The following ABR variants were observed in gnomAD, a reference collection of about 807,000 sequenced individuals.
ABR encodes the protein ABR activator of RhoGEF and GTPase.
In ABR, 35 loss-of-function variants were observed where a neutral mutation model predicts 107.2. That is an observed-to-expected ratio of 0.33 (90% CI 0.25 to 0.43). ABR has a LOEUF of 0.43. Ranked by LOEUF, ABR falls within the 20% of genes least tolerant of loss-of-function variation. ABR has a pLI of 1.00. For missense variants in ABR, 815 were observed against 1,115.2 expected (o/e 0.73, Z 3.83); for synonymous variants, 498 against 462.0 (o/e 1.08, Z -1.00).
chr17:1,125,186 A>G lies in ABR; in HGVS notation c.243T>C (p.Pro81=). The G allele has an allele frequency of 6.3e-7, 1 of 1,579,136 alleles. No individual in the cohort carries two copies. ...VSPTPPEGLA[P]GVEAGKGLEM... is the part of the protein sequence containing the mutation. ...AAAGAAAAGCCGGTGTACCTACCCC[A>G]GGAGCCAGTCCCTCAGGTGGAGTCG... is the stretch of plus-strand genomic sequence containing the variant. Residue 81 remains proline (P), a synonymous_variant, in exon 2 of 23, where the codon CCT becomes CCC. Transcript: ENST00000302538.
chr17:1,049,988 C>T, intron 16 of ABR, 62 bp downstream of exon 16: 1 of 1,560,194 alleles, frequency 6.4e-7, no homozygotes, highest in South Asian at 1.2e-5. Flanking sequence ...ACCAGAATTC[C>T]TTTTCAACTG....
At chr17:1,013,744 A>G (rs2070866663) in intron 16 of ABR, among the ~76,000 whole-genome samples, 1 of 152,206 alleles carries the variant, frequency 6.6e-6, no homozygotes, top group Non-Finnish European at 1.5e-5. Context: ...ATTGCTGGGA[A>G]GATTCAGGGA....
intron 16 of ABR, among the ~76,000 whole-genome samples, chr17:1,045,360 ACAGCAGGACAATCTTCCGTC>A (rs2031403134): frequency 7.6e-6 from 1 of 130,844 alleles, no homozygotes; most frequent in Non-Finnish European, 1.7e-5. Context: ...CCATCTTCTT[ACAGCAGGACAATCTTCCGTC>A]TTCTTACAGC....
At chr17:1,159,466 A>G (rs1467002294) in intron 1 of ABR, among the ~76,000 whole-genome samples, 1 of 57,762 alleles carries the variant, frequency 1.7e-5, no homozygotes. Flanking sequence ...AAGGGAAGTA[A>G]GAATGCAGTA....
Position 1,179,873 on chromosome 17 carries a change from G to A in ABR, c.-146C>T. 3 of 815,106 alleles carry A rather than the reference G, an allele frequency of 3.7e-6. No homozygotes were observed. The highest frequency in any genetic ancestry group is 3.5e-6 in the Non-Finnish European group (2 of 576,118). 50.5% of individuals were successfully genotyped at this position (815,106 alleles called of 1,614,324 possible). A position where few individuals can be genotyped will look rare whatever the true frequency, so the allele number is the denominator to read the frequency against. The stretch of plus-strand genomic sequence containing the variant: ...ACCAGGTCCCCGGGAGGAGCGCGGG[G>A]CGGCCGGGGCAGGGGCGAGGGCGGG... On this transcript the variant is annotated 5_prime_UTR_variant, in exon 1 of 23. Transcript: ENST00000302538. The surrounding 1 kb of genome is among the most constrained non-coding windows in gnomAD (Gnocchi z 4.9).
At chr17:1,060,270 C>T (rs553426947) in intron 10 of ABR, among the ~76,000 whole-genome samples, 91 of 151,954 alleles carry the variant, frequency 6.0e-4, no homozygotes, top group African/African-American at 2.2e-3. Context: ...AACTACCGGG[C>T]GTGGTGGCGG....
chr17:1,072,189 C>T (rs1362551931), intron 8 of ABR, among the ~76,000 whole-genome samples: 1 of 152,180 alleles, frequency 6.6e-6, no homozygotes, highest in Middle Eastern at 3.2e-3. Context: ...AGGTGTGAGC[C>T]ACCGTGCCCG....
chr17:1,039,102 C>T lies in ABR; in HGVS notation c.1791+10948G>A, dbSNP rs373394874. ...GCCCGGCACCCAGAGCTGAGAACACCTTTTTTTGGTCTGTCGGGAGGCTGG... is the reference window on the plus strand; with the variant it reads ...GCCCGGCACCCAGAGCTGAGAACACTTTTTTTTGGTCTGTCGGGAGGCTGG... On this transcript the variant is annotated intron_variant, in intron 16 of 22. Transcript: ENST00000302538. 4.6e-5 allele frequency among the ~76,000 whole-genome samples: 7 copies of T among 152,258 alleles called. No homozygotes were observed. The South Asian group carries it at 1.0e-3, about 23-fold the overall frequency.
intron 16 of ABR, among the ~76,000 whole-genome samples, chr17:1,041,122 G>A (rs2030378619): frequency 6.6e-6 from 1 of 152,026 alleles, no homozygotes; most frequent in Admixed American, 6.6e-5. Context: ...GTTTCACCAT[G>A]TTGGCCAGGC....
At chr17:1,085,059 C>T (rs2151266533) in intron 4 of ABR, among the ~76,000 whole-genome samples, 1 of 151,900 alleles carries the variant, frequency 6.6e-6, no homozygotes, top group South Asian at 2.1e-4. Flanking sequence ...GCCTCGGCCT[C>T]CCAAAGTGCT....
At chr17:1,204,494 C>A (rs1313634154) in intron 1 of ABR, among the ~76,000 whole-genome samples, 1 of 152,132 alleles carries the variant, frequency 6.6e-6, no homozygotes, top group African/African-American at 2.4e-5. Flanking sequence ...AAACTACAGT[C>A]CTGAGCCATA....
In ABR at chr17:1,052,053, G is replaced by A. The variant is rs1446699642; in HGVS notation, c.1562-1419C>T. The stretch of plus-strand genomic sequence containing the variant: ...GGCACCACTGCACTCCAGCCTGGGC[G>A]ACCAAGTGACTCTTTCTCAAAAAAA... On this transcript the variant is annotated intron_variant, in intron 14 of 22. Transcript: ENST00000302538. 1.5e-4 allele frequency among the ~76,000 whole-genome samples: 22 copies of A among 150,118 alleles called. No homozygotes were observed. The South Asian group carries it at 2.3e-3, about 16-fold the overall frequency.
rs2032445969 is a variant in ABR at position 1,051,044 on chromosome 17, G to A, written c.1562-410C>T. On this transcript the variant is annotated intron_variant, in intron 14 of 22. Coordinates refer to ENST00000302538, the MANE Select transcript of ABR (RefSeq NM_021962.5). This position sits in a 1 kb window ranked among gnomAD's most constrained non-coding sequence, Gnocchi z 4.3. ...CAAACTCTTCACTGACCGCCCTGGA[G>A]CCACCTCTCCCCGTAACATGGGTGC... Among the ~76,000 whole-genome samples, 1 of 152,032 alleles carries A rather than the reference G, an allele frequency of 6.6e-6. No individual in the cohort carries two copies. The highest frequency in any genetic ancestry group is 6.6e-5 in the Admixed American group (1 of 15,266).
chr17:1,012,846 G>A (rs199536100), intron 17 of ABR, 49 bp from the exon 18 acceptor site: 126 of 1,460,434 alleles, frequency 8.6e-5, no homozygotes, highest in South Asian at 3.5e-4. Context: ...GTGAGTGCCC[G>A]AGGAATGCCC....
chr17:1,064,718 G>T (rs2034501635), intron 10 of ABR, among the ~76,000 whole-genome samples: 1 of 130,684 alleles, frequency 7.7e-6, no homozygotes, highest in Non-Finnish European at 1.6e-5. Context: ...CTGCTGTTAC[G>T]TGAACTGAGG....
chr17:1,116,176 C>A (rs970287030), intron 2 of ABR, among the ~76,000 whole-genome samples: 2 of 152,216 alleles, frequency 1.3e-5, no homozygotes, highest in African/African-American at 2.4e-5. Context: ...GCCGAGATTG[C>A]GCCACTGGAC....
chr17:1,180,027 G>T, upstream of ABR, among the ~76,000 whole-genome samples: 1 of 131,542 alleles, frequency 7.6e-6, no homozygotes, highest in Admixed American at 7.3e-5. Flanking sequence ...TGGTGGGGCG[G>T]GGCTTTGGTG....
intron 1 of ABR, among the ~76,000 whole-genome samples, chr17:1,173,088 C>CA (rs2041787241): frequency 1.2e-5 from 1 of 85,870 alleles, no homozygotes; most frequent in African/African-American, 4.1e-5. Flanking sequence ...GTCCACCCCC[C>CA]CCATCATCTC....
intron 1 of ABR, among the ~76,000 whole-genome samples, chr17:1,143,818 G>A (rs950846865): frequency 2.0e-5 from 3 of 152,164 alleles, no homozygotes; most frequent in African/African-American, 7.2e-5. Flanking sequence ...GGCCCAGGGT[G>A]TCAGGGTGGC....
Sources: gnomAD v4.1 joint callset for allele counts (sites outside exome capture counted in the v4.1 genomes callset) on GRCh38, gnomAD v4.1.1 for gene constraint, Gnocchi (gnomAD v3.1) non-coding constraint, MANE v1.5 for transcripts, NCBI Gene and HGNC (gene_info 2026-07-23, HGNC 2026-07-21) for gene names.